The following AGAP1 variants were observed in gnomAD, a reference collection of about 807,000 sequenced individuals.
AGAP1 encodes arf-GAP with GTPase, ANK repeat and PH domain-containing protein 1.
In AGAP1, 29 loss-of-function variants were observed where a neutral mutation model predicts 105.3. The ratio of observed to expected loss-of-function variants is 0.28; its 90% confidence interval spans 0.21 to 0.38. The LOEUF is 0.38. AGAP1 is among the 10% of genes least tolerant of loss of function. AGAP1 has a pLI of 1.00. For synonymous variants in AGAP1, 509 were observed against 485.9 expected (o/e 1.05, Z -0.63); for missense variants, 998 against 1,165.1 (o/e 0.86, Z 2.09).
chr2:235,935,106 C>T (rs2052925742), intron 12 of AGAP1, among the ~76,000 whole-genome samples: 1 of 152,148 alleles, frequency 6.6e-6, no homozygotes, highest in South Asian at 2.1e-4. Flanking sequence ...ATGGAATGCC[C>T]ACTGCTTTAT....
Position 235,700,618 on chromosome 2 carries a change from G to A in AGAP1, c.164-8561G>A. 6.6e-6 allele frequency among the ~76,000 whole-genome samples: 1 copy of A among 152,226 alleles called. No individual in the cohort carries two copies. The highest frequency in any genetic ancestry group is 2.4e-5 in the African/African-American group (1 of 41,532). ...AGTTCCAGACCAGCCTGGGGAACAT[G>A]GCGAAACCCCGTCTCTACTGAAAAT... On this transcript the variant is annotated intron_variant, in intron 1 of 17. Coordinates refer to ENST00000304032, the MANE Select transcript of AGAP1 (RefSeq NM_001037131.3). The surrounding 1 kb of genome is among the most constrained non-coding windows in gnomAD (Gnocchi z 6.1).
In AGAP1 at chr2:235,875,577, G is replaced by GTGA. The variant is rs2049684879; in HGVS notation, c.1051-7767_1051-7766insGAT. On this transcript the variant is annotated intron_variant, in intron 9 of 17. Transcript: ENST00000304032. The surrounding 1 kb of genome is among the most constrained non-coding windows in gnomAD (Gnocchi z 4.0). ...CGATTGGACACGTGATTCCCAGCACGTTTCCTGAGGTTCCGCCTGCAGCCC... is the reference window on the plus strand; with the variant it reads ...CGATTGGACACGTGATTCCCAGCACGTGATTTCCTGAGGTTCCGCCTGCAGCCC... 6.6e-6 allele frequency among the ~76,000 whole-genome samples: 1 copy of GTGA among 152,170 alleles called. No individual in the cohort carries two copies. The highest frequency in any genetic ancestry group is 1.5e-5 in the Non-Finnish European group (1 of 68,036).
Position 235,734,764 on chromosome 2 carries a change from G to A in AGAP1, c.311-6199G>A, listed in dbSNP as rs550890164. ...GGATGCTGCAAAACGCAGCAAACAC[G>A]GAGGCTGCCGGCTTTGTTTCTGTAG... On this transcript the variant is annotated intron_variant, in intron 3 of 17. Coordinates refer to ENST00000304032, the MANE Select transcript of AGAP1 (RefSeq NM_001037131.3). This position sits in a 1 kb window ranked among gnomAD's most constrained non-coding sequence, Gnocchi z 5.3. Among the ~76,000 whole-genome samples, 9 of 152,324 alleles carry A rather than the reference G, an allele frequency of 5.9e-5. No homozygotes were observed. In the South Asian group the frequency reaches 1.2e-3, roughly 21 times the overall value.
Position 236,119,829 on chromosome 2 carries a change from C to T in AGAP1, c.2115-363C>T, listed in dbSNP as rs577312179. 1.3e-5 allele frequency among the ~76,000 whole-genome samples: 2 copies of T among 152,284 alleles called. No homozygotes were observed. The highest frequency in any genetic ancestry group is 3.9e-4 in the East Asian group (2 of 5,160). ...TTGGTAGTTTTCTTTCCAAGGACAG[C>T]TTCTACACTAAAAGTGACAGAAGCA... On this transcript the variant is annotated intron_variant, in intron 16 of 17. Transcript: ENST00000304032. This position sits in a 1 kb window ranked among gnomAD's most constrained non-coding sequence, Gnocchi z 6.6.
At position 235,957,028 on chromosome 2, in the gene AGAP1, C is replaced by T. The variant is rs2053981535; in HGVS notation, c.1484-11434C>T. Among the ~76,000 whole-genome samples, 1 of 152,212 alleles carries T rather than the reference C, an allele frequency of 6.6e-6. No individual in the cohort carries two copies. The highest frequency in any genetic ancestry group is 2.4e-5 in the African/African-American group (1 of 41,460). On this transcript the variant is annotated intron_variant, in intron 12 of 17. Transcript: ENST00000304032. This position sits in a 1 kb window ranked among gnomAD's most constrained non-coding sequence, Gnocchi z 4.6. ...CTTTATTCAGATAAAAATCACATAA[C>T]ACACTTCTCCCATTTAACAGGTGCA...
intron 9 of AGAP1, among the ~76,000 whole-genome samples, chr2:235,813,765 G>A (rs2150124411): frequency 6.6e-6 from 1 of 152,362 alleles, no homozygotes; most frequent in Non-Finnish European, 1.5e-5. Flanking sequence ...GAGGGTTTCT[G>A]TATCCCAGGG....
intron 1 of AGAP1, among the ~76,000 whole-genome samples, chr2:235,678,143 C>A (rs1485224109): frequency 6.6e-6 from 1 of 152,078 alleles, no homozygotes; most frequent in Non-Finnish European, 1.5e-5. Context: ...TCGTTGACAG[C>A]TCCAAGATAT....
At position 235,958,452 on chromosome 2, in the gene AGAP1, G is replaced by A. The variant is rs566057677; in HGVS notation, c.1484-10010G>A. Among the ~76,000 whole-genome samples, 50 of 152,182 alleles carry A rather than the reference G, an allele frequency of 3.3e-4. 1 individual carries two copies. The South Asian group carries it at 9.4e-3, about 28-fold the overall frequency. On this transcript the variant is annotated intron_variant, in intron 12 of 17. Coordinates refer to ENST00000304032, the MANE Select transcript of AGAP1 (RefSeq NM_001037131.3). This position sits in a 1 kb window ranked among gnomAD's most constrained non-coding sequence, Gnocchi z 4.1. The stretch of plus-strand genomic sequence containing the variant: ...CACATTTAGAGACCCTCGGGAGCGC[G>A]AGGGATATGAGAATCACAAGCACAG...
Position 235,777,034 on chromosome 2 carries a change from G to C in AGAP1, c.674-20725G>C, listed in dbSNP as rs62190872. On this transcript the variant is annotated intron_variant, in intron 6 of 17. Coordinates refer to ENST00000304032, the MANE Select transcript of AGAP1 (RefSeq NM_001037131.3). The surrounding 1 kb of genome is among the most constrained non-coding windows in gnomAD (Gnocchi z 5.1). ...TGAGCGTCTGCTCTTGAGAGGCCAG[G>C]CTGGATCCTGCAGAGAAACGAGGAA... is the stretch of plus-strand genomic sequence containing the variant. 25,189 of 471,114 alleles carry C rather than the reference G, an allele frequency of 0.053. 820 individuals are homozygous for C. The highest frequency in any genetic ancestry group is 0.071 in the Non-Finnish European group (16,097 of 227,042). 29.2% of individuals were successfully genotyped at this position (471,114 alleles called of 1,614,324 possible).
intron 13 of AGAP1, among the ~76,000 whole-genome samples, chr2:235,999,798 A>G (rs985256188): frequency 6.7e-6 from 1 of 150,022 alleles, no homozygotes; most frequent in African/African-American, 2.5e-5. Flanking sequence ...AGGAACCTGT[A>G]TCTTGATGCT....
chr2:236,011,570 T>C (rs1301493836), intron 13 of AGAP1, among the ~76,000 whole-genome samples: 1 of 152,198 alleles, frequency 6.6e-6, no homozygotes, highest in Non-Finnish European at 1.5e-5. Context: ...ACTAACGGAA[T>C]GCTCACACCC....
Position 236,042,885 on chromosome 2 carries a change from C to T in AGAP1, c.1891+2044C>T, listed in dbSNP as rs887293775. On this transcript the variant is annotated intron_variant, in intron 15 of 17. Transcript: ENST00000304032. The surrounding 1 kb of genome is among the most constrained non-coding windows in gnomAD (Gnocchi z 5.6). ...TGTGTGGTCTGTGTCAGCCCGGTGC[C>T]AAACCCTCCCATGCGCTGTCTTTTC... 1.3e-5 allele frequency among the ~76,000 whole-genome samples: 2 copies of T among 152,218 alleles called. No individual in the cohort carries two copies. Among genetic ancestry groups the T allele is most frequent in the African/African-American group, 2.4e-5 (1 of 41,464 alleles).
intron 1 of AGAP1, among the ~76,000 whole-genome samples, chr2:235,656,623 C>A (rs1229039488): frequency 6.6e-6 from 1 of 152,090 alleles, no homozygotes; most frequent in Non-Finnish European, 1.5e-5. Context: ...TTAGCCTGTG[C>A]GGTCTAACCC....
chr2:235,844,052 T>C lies in AGAP1; in HGVS notation c.1050+36721T>C, dbSNP rs371025415. Among the ~76,000 whole-genome samples, 12 of 152,234 alleles carry C rather than the reference T, an allele frequency of 7.9e-5. No individual in the cohort carries two copies. In the East Asian group the frequency reaches 2.1e-3, roughly 27 times the overall value. Reference sequence around the variant, plus strand: ...CCAAAGGACCACCCAGGCTCAGTCTTGGCCCCATTGAGTCTGTCCTCCCCA... The same window carrying C: ...CCAAAGGACCACCCAGGCTCAGTCTCGGCCCCATTGAGTCTGTCCTCCCCA... On this transcript the variant is annotated intron_variant, in intron 9 of 17. Coordinates refer to ENST00000304032, the MANE Select transcript of AGAP1 (RefSeq NM_001037131.3).
rs532058535 is a variant in AGAP1 at position 235,516,098 on chromosome 2, C to T, written c.163+21249C>T. ...GCTGCTGCTGCTGCTGCTGCTGGCCCGCCAGTTCCCATGGACTCTCCCTCA... is the reference window on the plus strand; with the variant it reads ...GCTGCTGCTGCTGCTGCTGCTGGCCTGCCAGTTCCCATGGACTCTCCCTCA... On this transcript the variant is annotated intron_variant, in intron 1 of 17. Coordinates refer to ENST00000304032, the MANE Select transcript of AGAP1 (RefSeq NM_001037131.3). 3.2e-4 allele frequency among the ~76,000 whole-genome samples: 48 copies of T among 151,878 alleles called. 1 individual carries two copies. The highest frequency in any genetic ancestry group is 8.5e-4 in the African/African-American group (35 of 41,386).
intron 16 of AGAP1, among the ~76,000 whole-genome samples, chr2:236,077,126 GAA>G (rs200778447): frequency 0.06 from 7,053 of 117,298 alleles, 265 homozygotes; most frequent in East Asian, 0.097. Flanking sequence ...AAAAAGAGTA[GAA>G]AAAAAAAAAA....
At chr2:236,116,716 C>T (rs1467074634) in intron 16 of AGAP1, among the ~76,000 whole-genome samples, 1 of 152,102 alleles carries the variant, frequency 6.6e-6, no homozygotes, top group Non-Finnish European at 1.5e-5. Flanking sequence ...CTATATACTG[C>T]ACCCTATTTG....
At position 236,097,261 on chromosome 2, in the gene AGAP1, T is replaced by G. The variant is rs10202031; in HGVS notation, c.2115-22931T>G. ...TATAATAATGTGGGTCTTCAAAATG[T>G]GGGCTTGCAACTTGAGAGACTCACA... is the stretch of plus-strand genomic sequence containing the variant. On this transcript the variant is annotated intron_variant, in intron 16 of 17. Coordinates refer to ENST00000304032, the MANE Select transcript of AGAP1 (RefSeq NM_001037131.3). Among the ~76,000 whole-genome samples the G allele has an allele frequency of 1.8e-4, 27 of 152,016 alleles. 1 individual carries two copies. In the East Asian group the frequency reaches 5.0e-3, roughly 28 times the overall value.
chr2:235,711,071 C>T (rs928323539), intron 2 of AGAP1, among the ~76,000 whole-genome samples: 1 of 152,210 alleles, frequency 6.6e-6, no homozygotes, highest in Non-Finnish European at 1.5e-5. Context: ...GGAGCTGGTG[C>T]TTCCACCACC....
Sources: allele counts gnomAD v4.1 joint callset (sites outside exome capture counted in the v4.1 genomes callset), GRCh38; gene constraint gnomAD v4.1.1; non-coding constraint Gnocchi (gnomAD v3.1); transcripts MANE v1.5; gene names NCBI Gene and HGNC (gene_info 2026-07-23, HGNC 2026-07-21).